Variants in RAPGEF4 observed in about 807,000 individuals in gnomAD.
RAPGEF4 encodes the protein RAP guanine-nucleotide-exchange factor (GEF) 4.
Under a neutral mutation model 147.9 loss-of-function variants are expected in RAPGEF4, and 66 were observed. The ratio of observed to expected loss-of-function variants is 0.45; its 90% CI spans 0.37 to 0.55. RAPGEF4 has a LOEUF of 0.55. Ranked by LOEUF, RAPGEF4 falls within the 20% of genes least tolerant of loss-of-function variation. RAPGEF4 has a pLI of 0.00. For missense variants in RAPGEF4, 1,071 were observed against 1,257.3 expected, an observed-to-expected ratio of 0.85 and a Z score of 2.24; for synonymous variants, 419 against 442.7, an observed-to-expected ratio of 0.95 and a Z score of 0.67.
chr2:172,815,935 C>A (rs983680682), intron 4 of RAPGEF4, among the ~76,000 whole-genome samples: 1 of 152,138 alleles, frequency 6.6e-6, no homozygotes, highest in African/African-American at 2.4e-5. Flanking sequence ...TTCACCCCCA[C>A]TGAACTCAGA....
chr2:172,846,745 A>G (rs539087321), intron 4 of RAPGEF4, among the ~76,000 whole-genome samples: 1 of 152,188 alleles, frequency 6.6e-6, no homozygotes, highest in African/African-American at 2.4e-5. Context: ...CTTCTCACAC[A>G]AGGCCCGGCC....
chr2:172,749,958 A>G (rs1695120398), intron 1 of RAPGEF4, among the ~76,000 whole-genome samples: 1 of 152,206 alleles, frequency 6.6e-6, no homozygotes, highest in South Asian at 2.1e-4. Flanking sequence ...ACATAGCAAG[A>G]GTCACCTTTT....
chr2:172,749,624 C>T (rs1015108554), intron 1 of RAPGEF4, among the ~76,000 whole-genome samples: 7 of 152,220 alleles, frequency 4.6e-5, no homozygotes, highest in South Asian at 2.1e-4. Context: ...AGGTCTCTGA[C>T]GTGCCCTGGA....
intron 1 of RAPGEF4, among the ~76,000 whole-genome samples, chr2:172,746,865 G>A (rs562720746): frequency 3.3e-5 from 5 of 152,136 alleles, no homozygotes; most frequent in South Asian, 2.1e-4. Flanking sequence ...TGCCCACCTC[G>A]GCCTCCCAAA....
intron 1 of RAPGEF4, among the ~76,000 whole-genome samples, chr2:172,768,960 G>C (rs1574769280): frequency 1.3e-5 from 2 of 152,162 alleles, no homozygotes; most frequent in East Asian, 3.9e-4. Context: ...ATGAGACGAC[G>C]AGCATGCCAC....
At chr2:172,989,460 G>A (rs1692608567) in intron 14 of RAPGEF4, among the ~76,000 whole-genome samples, 1 of 152,178 alleles carries the variant, frequency 6.6e-6, no homozygotes, top group Non-Finnish European at 1.5e-5. Context: ...TAACTGGGGT[G>A]GTAGAGGGAA....
chr2:172,911,526 T>C (rs187752829), intron 4 of RAPGEF4, among the ~76,000 whole-genome samples: 1 of 152,096 alleles, frequency 6.6e-6, no homozygotes, highest in Admixed American at 6.6e-5. Context: ...TGGTGCAACC[T>C]CAGCTCACTG....
At chr2:172,947,827 A>G (rs1687828008) in intron 6 of RAPGEF4, among the ~76,000 whole-genome samples, 1 of 152,148 alleles carries the variant, frequency 6.6e-6, no homozygotes, top group Admixed American at 6.5e-5. Context: ...ATATACATAG[A>G]ATATACATGT....
At chr2:172,887,106 G>C (rs1697318788) in intron 4 of RAPGEF4, among the ~76,000 whole-genome samples, 3 of 151,096 alleles carry the variant, frequency 2.0e-5, no homozygotes. Context: ...AGAATCCCTT[G>C]AACCTGTGAT....
chr2:172,821,744 A>AAT (rs1169400635), intron 4 of RAPGEF4: 1 of 1,049,324 alleles, frequency 9.5e-7, no homozygotes, highest in East Asian at 5.8e-5. Context: ...AGTTAAAAAA[A>AAT]AAAAAAAAAA....
At chr2:173,020,760 A>C (rs753872560) in intron 23 of RAPGEF4, 45 bp downstream of exon 23, 16 of 1,491,828 alleles carry the variant, frequency 1.1e-5, no homozygotes, top group Non-Finnish European at 1.5e-5. Context: ...AATCAGAAAA[A>C]CTTGTCTGGA....
At chr2:172,952,459 A>G (rs1210565812) in intron 6 of RAPGEF4, among the ~76,000 whole-genome samples, 3 of 152,224 alleles carry the variant, frequency 2.0e-5, no homozygotes, top group African/African-American at 4.8e-5. Flanking sequence ...ATGTTTCCAT[A>G]GAAGTCACAG....
At chr2:172,909,077 G>A (rs1699873538) in intron 4 of RAPGEF4, among the ~76,000 whole-genome samples, 2 of 152,128 alleles carry the variant, frequency 1.3e-5, no homozygotes, top group African/African-American at 4.8e-5. Flanking sequence ...TGGCAGGGTG[G>A]CCTCAGTGTC....
intron 19 of RAPGEF4, 116 bp downstream of exon 19, chr2:173,016,553 T>G (rs1695527766): frequency 2.4e-6 from 2 of 820,776 alleles, no homozygotes; most frequent in African/African-American, 3.4e-5. Context: ...CTTGATTTGA[T>G]TTAAGCAGAC....
intron 3 of RAPGEF4, among the ~76,000 whole-genome samples, chr2:172,809,403 T>C (rs1687808120): frequency 6.6e-6 from 1 of 152,082 alleles, no homozygotes; most frequent in African/African-American, 2.4e-5. Context: ...TTGAGAAGAA[T>C]TAGGGTACCC....
At chr2:172,904,746 T>A (rs915064426) in intron 4 of RAPGEF4, among the ~76,000 whole-genome samples, 3 of 151,888 alleles carry the variant, frequency 2.0e-5, no homozygotes, top group Non-Finnish European at 4.4e-5. Flanking sequence ...CTCTCTTTCC[T>A]CCCTCTTTTC....
At chr2:173,017,571 A>G (rs1695623916) in intron 21 of RAPGEF4, 67 bp downstream of exon 21, 7 of 1,448,366 alleles carry the variant, frequency 4.8e-6, no homozygotes, top group Non-Finnish European at 5.8e-6. Flanking sequence ...GGTAAGCATC[A>G]CCTTGGACCC....
chr2:172,973,890 C>G (rs1690782985), intron 10 of RAPGEF4, among the ~76,000 whole-genome samples: 1 of 152,176 alleles, frequency 6.6e-6, no homozygotes, highest in South Asian at 2.1e-4. Context: ...GAAAATACTA[C>G]TGAGCACAAG....
intron 1 of RAPGEF4, among the ~76,000 whole-genome samples, chr2:172,778,786 A>G (rs1403343173): frequency 6.6e-6 from 1 of 152,236 alleles, no homozygotes; most frequent in Non-Finnish European, 1.5e-5. Context: ...CACTTAGGAA[A>G]ATTAGCATAG....
Sources: allele counts gnomAD v4.1 joint callset (sites outside exome capture counted in the v4.1 genomes callset), GRCh38; gene constraint gnomAD v4.1.1; transcripts MANE v1.5; gene names NCBI Gene and HGNC (gene_info 2026-07-23, HGNC 2026-07-21).